Variants in LRP1B observed in about 807,000 individuals in gnomAD.
LRP1B encodes LDL receptor related protein 1B.
Under a neutral mutation model 556.6 loss-of-function variants are expected in LRP1B, and 217 were observed. That is an observed-to-expected ratio of 0.39 (90% CI 0.35 to 0.44). The LOEUF (loss-of-function observed/expected upper bound fraction) is 0.44. Among genes scored for constraint, LRP1B ranks in the 20% least tolerant of loss-of-function variants. The pLI, the probability that LRP1B is intolerant of heterozygous loss-of-function variation, is 1.00. For synonymous variants in LRP1B, 2,047 were observed against 1,865.8 expected (o/e 1.10, Z -2.50); for missense variants, 5,053 against 5,620.8 (o/e 0.90, Z 3.23).
intron 3 of LRP1B, among the ~76,000 whole-genome samples, chr2:141,436,535 A>T (rs1208482275): frequency 2.0e-5 from 3 of 151,420 alleles, no homozygotes; most frequent in Admixed American, 6.6e-5. Flanking sequence ...CCTTTCCGTG[A>T]CTGGGTTTTA....
intron 86 of LRP1B, among the ~76,000 whole-genome samples, chr2:140,262,164 T>C (rs1205754367): frequency 6.6e-6 from 1 of 152,108 alleles, no homozygotes; most frequent in African/African-American, 2.4e-5. Context: ...AGCCAGGAGC[T>C]TCTTGGGAAA....
chr2:141,064,391 A>T (rs1291438827), intron 7 of LRP1B, among the ~76,000 whole-genome samples: 2 of 151,890 alleles, frequency 1.3e-5, no homozygotes, highest in Non-Finnish European at 2.9e-5. Context: ...TCATTCAAGA[A>T]ATTTTTCATT....
chr2:140,545,871 T>C (rs190241554), intron 43 of LRP1B, among the ~76,000 whole-genome samples: 2 of 152,226 alleles, frequency 1.3e-5, no homozygotes, highest in Admixed American at 6.6e-5. Flanking sequence ...TTTTAAAATA[T>C]TGATTATTCG....
chr2:141,195,131 G>T (rs1007912645), intron 6 of LRP1B, among the ~76,000 whole-genome samples: 2 of 151,952 alleles, frequency 1.3e-5, no homozygotes, highest in Non-Finnish European at 2.9e-5. Flanking sequence ...GATTTCTGAG[G>T]GTAAGTCACA....
At chr2:140,901,773 T>C (rs1336572087) in intron 23 of LRP1B, among the ~76,000 whole-genome samples, 1 of 152,182 alleles carries the variant, frequency 6.6e-6, no homozygotes, top group Non-Finnish European at 1.5e-5. Context: ...AATGTATTTA[T>C]TATATATTTA....
At chr2:140,360,371 G>A (rs371118767) in intron 72 of LRP1B, among the ~76,000 whole-genome samples, 4 of 151,348 alleles carry the variant, frequency 2.6e-5, no homozygotes, top group African/African-American at 9.7e-5. Context: ...AGGTCTTTTA[G>A]GAATGTCTCT....
chr2:141,652,483 T>C (rs1689834102), intron 2 of LRP1B, among the ~76,000 whole-genome samples: 1 of 152,220 alleles, frequency 6.6e-6, no homozygotes, highest in Admixed American at 6.5e-5. Flanking sequence ...TTTCTGTATG[T>C]CTTTTTAGCA....
At chr2:140,737,234 T>G (rs1687978067) in intron 35 of LRP1B, among the ~76,000 whole-genome samples, 1 of 152,138 alleles carries the variant, frequency 6.6e-6, no homozygotes, top group African/African-American at 2.4e-5. Flanking sequence ...TACGTAATTG[T>G]GTTGATCCTC....
chr2:141,953,760 C>A (rs1701174071), intron 1 of LRP1B, among the ~76,000 whole-genome samples: 1 of 152,036 alleles, frequency 6.6e-6, no homozygotes, highest in African/African-American at 2.4e-5. Flanking sequence ...TACTAGCTTA[C>A]TCATTCGTTT....
intron 41 of LRP1B, among the ~76,000 whole-genome samples, chr2:140,689,626 G>T (rs556056403): frequency 1.3e-5 from 2 of 152,170 alleles, no homozygotes; most frequent in South Asian, 2.1e-4. Context: ...TCTAATATTG[G>T]GACGCTAATT....
Position 140,542,811 on chromosome 2 carries a change from G to A in LRP1B, c.7195-840C>T, listed in dbSNP as rs77482073. On this transcript the variant is annotated intron_variant, in intron 43 of 90. Coordinates refer to ENST00000389484, the MANE Select transcript of LRP1B (RefSeq NM_018557.3). ...GACAGTTCAGCAGAGGGAACTGTGG[G>A]TATCTGAAAAGAGTCATCCTGGAGC... 1.7e-3 allele frequency among the ~76,000 whole-genome samples: 264 copies of A among 152,214 alleles called. 3 individuals are homozygous for A. The highest frequency in any genetic ancestry group is 3.8e-3 in the Admixed American group (58 of 15,262).
chr2:141,044,865 T>A (rs1178454318), intron 11 of LRP1B, among the ~76,000 whole-genome samples: 1 of 151,526 alleles, frequency 6.6e-6, no homozygotes, highest in Non-Finnish European at 1.5e-5. Context: ...AGTGTGGCGA[T>A]TCCTCAGTGA....
At chr2:140,748,824 ATATCATATAT>A (rs1688465635) in intron 35 of LRP1B, among the ~76,000 whole-genome samples, 1 of 93,338 alleles carries the variant, frequency 1.1e-5, no homozygotes, top group Non-Finnish European at 2.1e-5. Context: ...TATATAATAT[ATATCATATAT>A]TATATACATG....
intron 2 of LRP1B, among the ~76,000 whole-genome samples, chr2:141,601,378 A>G (rs966598942): frequency 6.6e-6 from 1 of 152,282 alleles, no homozygotes; most frequent in Non-Finnish European, 1.5e-5. Flanking sequence ...TTGATGTGCA[A>G]TTATGGATTC....
intron 76 of LRP1B, among the ~76,000 whole-genome samples, chr2:140,352,278 C>T (rs1016115122): frequency 3.3e-5 from 5 of 151,954 alleles, no homozygotes; most frequent in African/African-American, 7.2e-5. Flanking sequence ...TGGGTTGAAG[C>T]GATTCTCCTG....
At chr2:141,652,662 C>T (rs1689842795) in intron 2 of LRP1B, among the ~76,000 whole-genome samples, 1 of 152,086 alleles carries the variant, frequency 6.6e-6, no homozygotes, top group African/African-American at 2.4e-5. Context: ...ACCTTTAAAG[C>T]CATCAAGTTC....
At chr2:142,029,781 T>C (rs1038660734) in intron 1 of LRP1B, among the ~76,000 whole-genome samples, 8 of 151,894 alleles carry the variant, frequency 5.3e-5, no homozygotes, top group African/African-American at 1.9e-4. Flanking sequence ...CCCTAATCCA[T>C]ACTTCTCTCA....
At chr2:140,444,213 C>A in intron 65 of LRP1B, 117 bp downstream of exon 65, 3 of 1,085,036 alleles carry the variant, frequency 2.8e-6, no homozygotes, top group Non-Finnish European at 3.9e-6. Flanking sequence ...AATTATTTGA[C>A]CATAATTTCT....
Position 141,542,391 on chromosome 2 carries a change from T to G in LRP1B, c.206-61858A>C, listed in dbSNP as rs538101537. 2.2e-4 allele frequency among the ~76,000 whole-genome samples: 33 copies of G among 152,162 alleles called. 1 individual carries two copies. The highest frequency in any genetic ancestry group is 7.7e-4 in the African/African-American group (32 of 41,574). On this transcript the variant is annotated intron_variant, in intron 2 of 90. Coordinates refer to ENST00000389484, the MANE Select transcript of LRP1B (RefSeq NM_018557.3). The stretch of plus-strand genomic sequence containing the variant: ...TCACATTTGGAAAGAATATTAAAGA[T>G]ATCTATTCAAATATTTTATTATATT...
Sources: gnomAD v4.1 joint callset for allele counts (sites outside exome capture counted in the v4.1 genomes callset) on GRCh38, gnomAD v4.1.1 for gene constraint, MANE v1.5 for transcripts, NCBI Gene and HGNC (gene_info 2026-07-23, HGNC 2026-07-21) for gene names.